The following AGTR1 variants were observed in gnomAD, a reference collection of about 807,000 sequenced individuals.
AGTR1 encodes type-1 angiotensin II receptor.
A neutral mutation model predicts 19.4 loss-of-function variants in AGTR1; 16 were observed. The observed-to-expected ratio is 0.82, with a 90% CI of 0.56 to 1.25. The LOEUF is 1.25. Ranked by LOEUF, AGTR1 falls within the 50% of genes most tolerant of loss-of-function variation. The probability of loss-of-function intolerance (pLI) is 0.00; values close to 1 mark genes in which losing one functional copy is unlikely to be tolerated. For synonymous variants in AGTR1, 153 were observed against 154.9 expected (o/e 0.99, Z 0.09); for missense variants, 373 against 431.9 (o/e 0.86, Z 1.21).
At chr3:148,731,346 C>T (rs1714245462) in intron 2 of AGTR1, 1 of 152,122 alleles carries the variant, frequency 6.6e-6, no homozygotes, top group South Asian at 2.1e-4. Context: ...TTTGCTGCCA[C>T]AAGTAGTAAA....
intron 2 of AGTR1, among the ~76,000 whole-genome samples, chr3:148,725,035 A>G (rs2107952654): frequency 6.6e-6 from 1 of 152,314 alleles, no homozygotes; most frequent in South Asian, 2.1e-4. Context: ...GCCAGAAACA[A>G]TACAGTGTTG....
chr3:148,724,769 A>G (rs532745379), intron 2 of AGTR1, among the ~76,000 whole-genome samples: 285 of 152,346 alleles, frequency 1.9e-3, no homozygotes, highest in Non-Finnish European at 2.5e-3. Flanking sequence ...TATCTAGGGA[A>G]TGACTCTAAG....
rs1714876754 is a variant in AGTR1, at chr3:148,741,410, T to C, written c.375T>C (p.Asp125=). The change falls in exon 3 of 3, where the codon GAT becomes GAC. Residue 125 remains aspartate, a synonymous_variant. Transcript: ENST00000349243. ...TTCTACTCACGTGTCTCAGCATTGA[T>C]CGATACCTGGCTATTGTTCACCCAA... ...SVFLLTCLSI[D]RYLAIVHPMK... 1 of 1,604,390 alleles carries C rather than the reference T, an allele frequency of 6.2e-7. No individual in the cohort carries two copies. The highest frequency in any genetic ancestry group is 8.5e-7 in the Non-Finnish European group (1 of 1,178,656).
In AGTR1 at chr3:148,716,870, A is replaced by G. The variant is rs1341716698; in HGVS notation, c.-48+8843A>G. Among the ~76,000 whole-genome samples the G allele has an allele frequency of 6.6e-6, 1 of 152,188 alleles. No homozygotes were observed. The highest frequency in any genetic ancestry group is 1.5e-5 in the Non-Finnish European group (1 of 68,018). ...GGTGGACTCTTGTTTCAATGCAGTT[A>G]TTTTGTCTGGTAGAGTCACAGAGTT... is the stretch of plus-strand genomic sequence containing the variant. On this transcript the variant is annotated intron_variant, in intron 2 of 2. Coordinates refer to ENST00000349243, the MANE Select transcript of AGTR1 (RefSeq NM_000685.5). The surrounding 1 kb of genome is among the most constrained non-coding windows in gnomAD (Gnocchi z 4.7).
At chr3:148,724,391 C>T (rs1489895286) in intron 2 of AGTR1, among the ~76,000 whole-genome samples, 1 of 152,088 alleles carries the variant, frequency 6.6e-6, no homozygotes, top group Non-Finnish European at 1.5e-5. Flanking sequence ...CTTACAAGGA[C>T]TCTCTTATGA....
intron 1 of AGTR1, among the ~76,000 whole-genome samples, chr3:148,705,032 GATAT>G (rs916738363): frequency 1.3e-5 from 2 of 152,120 alleles, no homozygotes; most frequent in African/African-American, 4.8e-5. Flanking sequence ...ATACCCAAAA[GATAT>G]CTTACACATA....
chr3:148,727,152 A>G (rs1292111252), intron 2 of AGTR1, among the ~76,000 whole-genome samples: 1 of 152,238 alleles, frequency 6.6e-6, no homozygotes, highest in African/African-American at 2.4e-5. Context: ...AAGGCAAGTA[A>G]CAGAGAATCA....
At chr3:148,706,139 C>T (rs1180231080) in intron 1 of AGTR1, among the ~76,000 whole-genome samples, 1 of 151,858 alleles carries the variant, frequency 6.6e-6, no homozygotes, top group South Asian at 2.1e-4. Context: ...TTATAATTCA[C>T]TCTAGATTTT....
Position 148,741,293 on chromosome 3 carries a change from C to T in AGTR1, c.258C>T (p.Val86=), listed in dbSNP as rs1332854987. Residue 86 remains valine, a synonymous_variant, in exon 3 of 3, where the codon GTC becomes GTT. Transcript: ENST00000349243. ...CFLLTLPLWA[V]YTAMEYRWPF... is the part of the protein sequence containing the mutation. The stretch of plus-strand genomic sequence containing the variant: ...TACTGACTTTGCCACTATGGGCTGT[C>T]TACACAGCTATGGAATACCGCTGGC... 1.2e-6 allele frequency: 2 copies of T among 1,612,722 alleles called. No individual in the cohort carries two copies. Among genetic ancestry groups the T allele is most frequent in the Admixed American group, 3.3e-5 (2 of 60,016 alleles).
intron 2 of AGTR1, among the ~76,000 whole-genome samples, chr3:148,723,319 T>G (rs1461869086): frequency 6.6e-6 from 1 of 152,212 alleles, no homozygotes; most frequent in African/African-American, 2.4e-5. Context: ...ATAAGAACTA[T>G]TCAAAAATAA....
chr3:148,731,828 T>C (rs530842504), intron 2 of AGTR1, among the ~76,000 whole-genome samples: 1 of 152,254 alleles, frequency 6.6e-6, no homozygotes, highest in South Asian at 2.1e-4. Context: ...AATCAATCAA[T>C]AAATAAAAAG....
chr3:148,722,757 G>A (rs1713719485), intron 2 of AGTR1, among the ~76,000 whole-genome samples: 1 of 152,044 alleles, frequency 6.6e-6, no homozygotes, highest in African/African-American at 2.4e-5. Context: ...TTCCGTCTCT[G>A]TTTTCTGACT....
intron 2 of AGTR1, among the ~76,000 whole-genome samples, chr3:148,739,313 C>T (rs554966578): frequency 2.6e-5 from 4 of 151,308 alleles, no homozygotes; most frequent in Non-Finnish European, 4.4e-5. Context: ...GAGCCAAGAT[C>T]GCACCACTGC....
intron 1 of AGTR1, among the ~76,000 whole-genome samples, chr3:148,706,301 G>A (rs1341763935): frequency 6.6e-6 from 1 of 151,658 alleles, no homozygotes; most frequent in African/African-American, 2.4e-5. Flanking sequence ...ATCATTTTAT[G>A]GGAACTTTCT....
At chr3:148,726,487 G>A (rs576573992) in intron 2 of AGTR1, among the ~76,000 whole-genome samples, 7 of 152,254 alleles carry the variant, frequency 4.6e-5, no homozygotes, top group Admixed American at 2.0e-4. Context: ...GATTACAGGC[G>A]TGAGCCAACA....
In AGTR1 at chr3:148,741,041, T is replaced by A; in HGVS notation, c.6T>A (p.Ile2=). The A allele has an allele frequency of 6.2e-7, 1 of 1,613,854 alleles. No homozygotes were observed. Among genetic ancestry groups the A allele is most frequent in the African/African-American group, 1.3e-5 (1 of 75,068 alleles). Residue 2 remains isoleucine (I), a synonymous_variant, in exon 3 of 3, where the codon ATT becomes ATA. Transcript: ENST00000349243. ...ATTCGACCCAGGTGATCAAAATGAT[T>A]CTCAACTCTTCTACTGAAGATGGTA... M[I]LNSSTEDGIK...
intron 2 of AGTR1, among the ~76,000 whole-genome samples, chr3:148,735,309 A>G (rs1810402): frequency 6.6e-6 from 1 of 152,222 alleles, no homozygotes; most frequent in Non-Finnish European, 1.5e-5. Context: ...TTGAAAACTA[A>G]GCTCAGAAAT....
rs1473240543 is a variant in AGTR1, at chr3:148,698,121, G to A, written c.-138G>A. 1 of 152,220 alleles carries A rather than the reference G, an allele frequency of 6.6e-6. No individual in the cohort carries two copies. The highest frequency in any genetic ancestry group is 2.4e-5 in the African/African-American group (1 of 41,462). The allele number at this position is 152,220 out of a possible 1,614,324, so 9.4% of individuals were successfully genotyped here. ...CGGCGGGACGTGACGCAGCGCCCGG[G>A]GCGCGGGTGAGTCCGCGCGGACCGC... On this transcript the variant is annotated 5_prime_UTR_variant, in exon 1 of 3. Transcript: ENST00000349243.
intron 2 of AGTR1, among the ~76,000 whole-genome samples, chr3:148,719,229 C>T (rs1713471796): frequency 1.3e-5 from 2 of 152,066 alleles, no homozygotes. Context: ...GCAGAAAGTG[C>T]CTGCATTTTA....
Sources: allele counts gnomAD v4.1 joint callset (sites outside exome capture counted in the v4.1 genomes callset), GRCh38; gene constraint gnomAD v4.1.1; non-coding constraint Gnocchi (gnomAD v3.1); transcripts MANE v1.5; gene names NCBI Gene and HGNC (gene_info 2026-07-23, HGNC 2026-07-21).